Variants in KSR2 observed in about 807,000 individuals in gnomAD.
The protein encoded by KSR2 is kinase suppressor of ras 2.
In KSR2, 25 loss-of-function variants were observed where a neutral mutation model predicts 107.8. The ratio of observed to expected loss-of-function variants is 0.23; its 90% CI spans 0.17 to 0.32. KSR2 has a LOEUF of 0.32. Ranked by LOEUF, KSR2 falls within the 10% of genes least tolerant of loss-of-function variation. The probability of loss-of-function intolerance (pLI) is 1.00; values close to 1 mark genes in which losing one functional copy is unlikely to be tolerated. For synonymous variants in KSR2, 480 were observed against 507.0 expected (o/e 0.95, Z 0.71); for missense variants, 887 against 1,268.9 (o/e 0.70, Z 4.57).
intron 5 of KSR2, among the ~76,000 whole-genome samples, chr12:117,633,500 G>A (rs903614708): frequency 2.6e-5 from 4 of 152,206 alleles, no homozygotes; most frequent in Admixed American, 6.5e-5. Flanking sequence ...TTCTCTCACG[G>A]TTCTAGAGAA....
At chr12:117,553,808 C>A (rs1877473640) in intron 9 of KSR2, among the ~76,000 whole-genome samples, 1 of 151,738 alleles carries the variant, frequency 6.6e-6, no homozygotes, top group Non-Finnish European at 1.5e-5. Context: ...AGCCTGGCAC[C>A]TCTCTTCCTT....
chr12:117,743,491 T>C (rs527866924), intron 4 of KSR2, among the ~76,000 whole-genome samples: 2 of 152,354 alleles, frequency 1.3e-5, no homozygotes, highest in African/African-American at 4.8e-5. Flanking sequence ...ACATGAACTA[T>C]GCTATGGCAC....
chr12:117,639,406 T>C (rs1157791159), intron 5 of KSR2, among the ~76,000 whole-genome samples: 4 of 151,326 alleles, frequency 2.6e-5, no homozygotes, highest in African/African-American at 9.7e-5. Flanking sequence ...CTCAGCTCAC[T>C]GCAAACTCCG....
chr12:117,766,668 G>A (rs1195654981), intron 3 of KSR2, among the ~76,000 whole-genome samples: 5 of 152,120 alleles, frequency 3.3e-5, no homozygotes, highest in African/African-American at 1.2e-4. Context: ...TGGCCAGGAG[G>A]TGGGGGTGGG....
At chr12:117,645,645 T>C (rs1315490840) in intron 5 of KSR2, among the ~76,000 whole-genome samples, 1 of 151,486 alleles carries the variant, frequency 6.6e-6, no homozygotes, top group Non-Finnish European at 1.5e-5. Flanking sequence ...CCAATGTTCC[T>C]GGAAGCAAAA....
intron 5 of KSR2, among the ~76,000 whole-genome samples, chr12:117,628,446 TAGTC>T (rs1160601452): frequency 6.6e-6 from 1 of 152,224 alleles, no homozygotes; most frequent in African/African-American, 2.4e-5. Context: ...TTCCTTCTAA[TAGTC>T]AGGTCCCTCA....
intron 1 of KSR2, among the ~76,000 whole-genome samples, chr12:117,924,208 T>C (rs184457039): frequency 2.0e-4 from 30 of 151,676 alleles, no homozygotes; most frequent in African/African-American, 7.0e-4. Flanking sequence ...AGGTTAAAAC[T>C]TAAAACTGAA....
At chr12:117,850,595 C>G (rs543192578) in intron 3 of KSR2, among the ~76,000 whole-genome samples, 1 of 152,090 alleles carries the variant, frequency 6.6e-6, no homozygotes, top group African/African-American at 2.4e-5. Context: ...ATTGCTTGAG[C>G]TCAGGAGTTC....
intron 3 of KSR2, among the ~76,000 whole-genome samples, chr12:117,790,578 C>G (rs1347368893): frequency 6.6e-6 from 1 of 152,190 alleles, no homozygotes; most frequent in African/African-American, 2.4e-5. Flanking sequence ...TTCAACAGAA[C>G]TGTTTTAGGG....
chr12:117,967,483 A>T (rs964634983), intron 1 of KSR2, among the ~76,000 whole-genome samples: 12 of 151,906 alleles, frequency 7.9e-5, no homozygotes, highest in Non-Finnish European at 1.8e-4. Flanking sequence ...GTTCCATAGG[A>T]ATTTTTTTTT....
At chr12:117,649,785 A>C (rs987545181) in intron 5 of KSR2, among the ~76,000 whole-genome samples, 4 of 152,176 alleles carry the variant, frequency 2.6e-5, no homozygotes, top group African/African-American at 9.7e-5. Context: ...GGGAGAAAAA[A>C]GAAACTCCTT....
intron 1 of KSR2, among the ~76,000 whole-genome samples, chr12:117,923,424 T>C (rs1035502695): frequency 2.6e-5 from 4 of 152,160 alleles, no homozygotes; most frequent in Non-Finnish European, 4.4e-5. Flanking sequence ...TAGTGGCTCA[T>C]GCCTGTAATC....
intron 3 of KSR2, among the ~76,000 whole-genome samples, chr12:117,838,749 T>C (rs370753105): frequency 2.7e-5 from 4 of 149,986 alleles, no homozygotes; most frequent in African/African-American, 9.7e-5. Flanking sequence ...CAAAAGGAAG[T>C]TCTTCTTTAC....
chr12:117,609,242 T>A (rs185268526), intron 5 of KSR2, among the ~76,000 whole-genome samples: 1 of 152,164 alleles, frequency 6.6e-6, no homozygotes, highest in Non-Finnish European at 1.5e-5. Context: ...GGCCTCAAGT[T>A]TCTCATCTTT....
chr12:117,467,927 T>TTC, intron 19 of KSR2: 1 of 372,014 alleles, frequency 2.7e-6, no homozygotes, highest in Admixed American at 3.9e-5. Context: ...GTGTTTTTTT[T>TTC]TTTTTTTTCC....
chr12:117,860,931 C>A (rs1286830602), intron 1 of KSR2, among the ~76,000 whole-genome samples: 1 of 152,074 alleles, frequency 6.6e-6, no homozygotes, highest in Non-Finnish European at 1.5e-5. Context: ...GTTGGCCAGG[C>A]TGGTCTCAAA....
intron 5 of KSR2, among the ~76,000 whole-genome samples, chr12:117,601,295 T>TGGGGG (rs5801243): frequency 4.5e-5 from 6 of 134,450 alleles, no homozygotes; most frequent in African/African-American, 1.8e-4. Flanking sequence ...TCCAAGATCT[T>TGGGGG]GGGGGGGGGG....
intron 14 of KSR2, among the ~76,000 whole-genome samples, chr12:117,501,240 C>T (rs1319321410): frequency 6.6e-6 from 1 of 152,190 alleles, no homozygotes; most frequent in African/African-American, 2.4e-5. Flanking sequence ...TTGTCTACAG[C>T]TGTTTTCATG....
At chr12:117,518,319 C>A (rs926390133) in intron 14 of KSR2, among the ~76,000 whole-genome samples, 1 of 152,158 alleles carries the variant, frequency 6.6e-6, no homozygotes, top group Non-Finnish European at 1.5e-5. Flanking sequence ...ACAGTCTGAG[C>A]CCCTCAATTA....
Sources: allele counts gnomAD v4.1 joint callset (sites outside exome capture counted in the v4.1 genomes callset), GRCh38; gene constraint gnomAD v4.1.1; transcripts MANE v1.5; gene names NCBI Gene and HGNC (gene_info 2026-07-23, HGNC 2026-07-21).